Variants in NRXN1 observed in about 807,000 individuals in gnomAD.
NRXN1 encodes neurexin 1.
A neutral mutation model predicts 150.9 loss-of-function variants in NRXN1; 39 were observed. The ratio of observed to expected loss-of-function variants is 0.26; its 90% CI spans 0.20 to 0.34. The LOEUF is 0.34. Among genes scored for constraint, NRXN1 ranks in the 10% least tolerant of loss-of-function variants. The pLI is 1.00. For synonymous variants in NRXN1, 924 were observed against 757.0 expected, an observed-to-expected ratio of 1.22 and a Z score of -3.62; for missense variants, 1,815 against 1,949.9, an observed-to-expected ratio of 0.93 and a Z score of 1.30.
chr2:50,201,540 T>C (rs952954034), intron 18 of NRXN1, among the ~76,000 whole-genome samples: 1 of 152,190 alleles, frequency 6.6e-6, no homozygotes, highest in Non-Finnish European at 1.5e-5. Flanking sequence ...ATTCATGGAA[T>C]TCTCTCTTCT....
chr2:49,949,871 T>A (rs1177224456), intron 21 of NRXN1, among the ~76,000 whole-genome samples: 1 of 151,934 alleles, frequency 6.6e-6, no homozygotes, highest in Admixed American at 6.6e-5. Flanking sequence ...CACTTGTTCT[T>A]GCTGATACTT....
intron 17 of NRXN1, among the ~76,000 whole-genome samples, chr2:50,263,320 T>G (rs1157734341): frequency 6.6e-6 from 1 of 151,998 alleles, no homozygotes; most frequent in African/African-American, 2.4e-5. Flanking sequence ...TGTCCCATAC[T>G]GAAGCAGTAG....
At chr2:50,061,025 T>C (rs1471064721) in intron 19 of NRXN1, among the ~76,000 whole-genome samples, 1 of 152,190 alleles carries the variant, frequency 6.6e-6, no homozygotes, top group African/African-American at 2.4e-5. Context: ...TCAGAATGTT[T>C]AGGTTCTCCA....
At chr2:50,612,430 T>C (rs1034251832) in intron 8 of NRXN1, among the ~76,000 whole-genome samples, 4 of 152,212 alleles carry the variant, frequency 2.6e-5, no homozygotes, top group Admixed American at 6.5e-5. Context: ...AAATACCAAG[T>C]ATCAAATTAT....
chr2:50,150,908 C>T (rs1053984921), intron 18 of NRXN1, among the ~76,000 whole-genome samples: 1 of 151,678 alleles, frequency 6.6e-6, no homozygotes, highest in African/African-American at 2.4e-5. Flanking sequence ...GAGTGGGTAC[C>T]TCACTTAGCC....
chr2:50,289,793 G>A (rs2072679520), intron 17 of NRXN1, among the ~76,000 whole-genome samples: 1 of 152,008 alleles, frequency 6.6e-6, no homozygotes. Flanking sequence ...ATTTCAAGTA[G>A]AATCAAGACA....
intron 8 of NRXN1, among the ~76,000 whole-genome samples, chr2:50,598,348 G>C (rs954980583): frequency 6.6e-6 from 1 of 151,814 alleles, no homozygotes; most frequent in East Asian, 1.9e-4. Context: ...TCTCTTAACA[G>C]GATGCAGCCT....
chr2:50,949,124 C>T (rs1186372487), intron 2 of NRXN1, among the ~76,000 whole-genome samples: 1 of 151,952 alleles, frequency 6.6e-6, no homozygotes, highest in Non-Finnish European at 1.5e-5. Context: ...GTGAGAGGAA[C>T]CTGAAAATAC....
intron 15 of NRXN1, among the ~76,000 whole-genome samples, chr2:50,494,275 C>T (rs2091434370): frequency 6.6e-6 from 1 of 152,110 alleles, no homozygotes; most frequent in Non-Finnish European, 1.5e-5. Flanking sequence ...TCCCTAATTT[C>T]CAGTGAAGTT....
At chr2:50,173,345 T>C (rs1320844950) in intron 18 of NRXN1, among the ~76,000 whole-genome samples, 1 of 152,188 alleles carries the variant, frequency 6.6e-6, no homozygotes, top group African/African-American at 2.4e-5. Context: ...GTTCAAAATA[T>C]TTTAGGCCTT....
At position 50,648,512 on chromosome 2, in the gene NRXN1, G is replaced by A. The variant is rs572117293; in HGVS notation, c.833-24897C>T. Among the ~76,000 whole-genome samples, 10 of 152,080 alleles carry A rather than the reference G, an allele frequency of 6.6e-5. No homozygotes were observed. The South Asian group carries it at 1.7e-3, about 25-fold the overall frequency. On this transcript the variant is annotated intron_variant, in intron 5 of 22. Coordinates refer to ENST00000401669, the MANE Select transcript of NRXN1 (RefSeq NM_001330078.2). The stretch of plus-strand genomic sequence containing the variant: ...ATAGGCTTGTCTTCTGCATGACCCT[G>A]TATTTGGAGGGTGTGAGAGACTACA...
chr2:51,020,175 T>C (rs921094065), intron 2 of NRXN1, among the ~76,000 whole-genome samples: 5 of 151,916 alleles, frequency 3.3e-5, no homozygotes, highest in African/African-American at 1.2e-4. Flanking sequence ...CAATGCTCCA[T>C]TGTTTTGTCC....
intron 13 of NRXN1, 38 bp downstream of exon 13, chr2:50,506,457 G>T (rs200210892): frequency 2.8e-5 from 44 of 1,580,756 alleles, no homozygotes; most frequent in Non-Finnish European, 3.8e-5. Flanking sequence ...AGTCAAAAGC[G>T]TTAGCATAGG....
At position 50,922,670 on chromosome 2, in the gene NRXN1, T is replaced by A. The variant is rs771182546; in HGVS notation, c.808A>T (p.Met270Leu). 5 of 1,610,380 alleles carry A rather than the reference T, an allele frequency of 3.1e-6. No homozygotes were observed. In the Admixed American group the frequency reaches 8.4e-5, roughly 27 times the overall value. ...ACAGAGCCCATACCTTGGTCGCCCA[T>A]CATCAGGTGCGCCAGACCTTGAAGG... The part of the protein sequence containing the change: ...NNVEGLAHLM[M>L]GDQGKSKGKE... Residue 270 changes from methionine to leucine, a missense_variant, in exon 4 of 23, where the codon ATG (methionine) becomes TTG (leucine). By Grantham distance (15) the Met-to-Leu change is conservative. Transcript: ENST00000401669.
chr2:50,977,742 T>C (rs914754152), intron 2 of NRXN1, among the ~76,000 whole-genome samples: 2 of 151,868 alleles, frequency 1.3e-5, no homozygotes, highest in African/African-American at 4.8e-5. Flanking sequence ...CCAAAGGCAG[T>C]ATGCATTTAT....
At chr2:50,132,180 G>T (rs559777977) in intron 18 of NRXN1, among the ~76,000 whole-genome samples, 1 of 152,210 alleles carries the variant, frequency 6.6e-6, no homozygotes, top group East Asian at 1.9e-4. Flanking sequence ...TTTCAAAATA[G>T]ACATTAAGAC....
intron 21 of NRXN1, among the ~76,000 whole-genome samples, chr2:49,945,384 G>T (rs1422720037): frequency 4.0e-5 from 6 of 149,492 alleles, no homozygotes; most frequent in African/African-American, 1.2e-4. Flanking sequence ...ATTTGTGGGG[G>T]TTTTCTCTTT....
intron 21 of NRXN1, chr2:49,974,035 T>C: frequency 1.4e-6 from 1 of 717,450 alleles, no homozygotes; most frequent in Non-Finnish European, 2.6e-6. Context: ...TAGAGCTTTT[T>C]TCTTAATTCT....
rs1450696972 is a variant in NRXN1, at chr2:50,833,864, A to G, written c.832+88005T>C. ...AACATAAAGCAACCATTTAAATGTCAGTATTCTTTTGTATTTTTACTGTTA... is the reference window on the plus strand; with the variant it reads ...AACATAAAGCAACCATTTAAATGTCGGTATTCTTTTGTATTTTTACTGTTA... On this transcript the variant is annotated intron_variant, in intron 5 of 22. Coordinates refer to ENST00000401669, the MANE Select transcript of NRXN1 (RefSeq NM_001330078.2). Among the ~76,000 whole-genome samples the G allele has an allele frequency of 2.0e-5, 3 of 152,198 alleles. No individual in the cohort carries two copies. In the East Asian group the frequency reaches 5.8e-4, roughly 29 times the overall value.
Sources: gnomAD v4.1 joint callset for allele counts (sites outside exome capture counted in the v4.1 genomes callset) on GRCh38, gnomAD v4.1.1 for gene constraint, MANE v1.5 for transcripts, NCBI Gene and HGNC (gene_info 2026-07-23, HGNC 2026-07-21) for gene names.